The following EHMT1 variants were observed in gnomAD, a reference collection of about 807,000 sequenced individuals.
The protein encoded by EHMT1 is euchromatic histone lysine methyltransferase 1.
Under a neutral mutation model 147.2 loss-of-function variants are expected in EHMT1, and 15 were observed. That is an observed-to-expected ratio of 0.10 (90% CI 0.07 to 0.16). The LOEUF is 0.16. EHMT1 is among the 10% of genes least tolerant of loss of function. The pLI, the probability that EHMT1 is intolerant of heterozygous loss-of-function variation, is 1.00. For synonymous variants in EHMT1, 795 were observed against 709.6 expected (o/e 1.12, Z -1.91); for missense variants, 1,587 against 1,772.4 (o/e 0.90, Z 1.88).
chr9:137,685,401 A>G (rs752272803), intron 1 of EHMT1: 2 of 152,216 alleles, frequency 1.3e-5, no homozygotes, highest in Admixed American at 6.5e-5. Flanking sequence ...TAAGGTTTTC[A>G]AGATTCACCC....
intron 4 of EHMT1, chr9:137,738,903 G>A (rs892642588): frequency 6.6e-6 from 1 of 152,376 alleles, no homozygotes; most frequent in African/African-American, 2.4e-5. Flanking sequence ...GGAAGGGAAT[G>A]GAGAGTTAGG....
At chr9:137,697,184 G>C (rs1301430084) in intron 1 of EHMT1, 5 of 336,218 alleles carry the variant, frequency 1.5e-5, no homozygotes, top group Non-Finnish European at 3.1e-5. Flanking sequence ...GGGAGGCTGA[G>C]GCAGGAGAAT....
intron 1 of EHMT1, among the ~76,000 whole-genome samples, chr9:137,659,444 T>A (rs943952086): frequency 1.3e-5 from 2 of 152,072 alleles, no homozygotes; most frequent in Admixed American, 6.6e-5. Context: ...AGGGTCTTGC[T>A]ATGTTCCCCA....
intron 9 of EHMT1, among the ~76,000 whole-genome samples, chr9:137,760,843 A>G (rs1043030725): frequency 6.6e-6 from 1 of 152,184 alleles, no homozygotes; most frequent in Non-Finnish European, 1.5e-5. Flanking sequence ...CCCCGTCTCT[A>G]CTGAAATACA....
At position 137,775,817 on chromosome 9, in the gene EHMT1, G is replaced by C. The variant is rs1382045452; in HGVS notation, c.1791+565G>C. ...AAACATCTGTGCTCAGCCGTGCCCA[G>C]GGCCCCCCGAGAATGGGCTGCTTCC... On this transcript the variant is annotated intron_variant, in intron 11 of 26. Coordinates refer to ENST00000460843, the MANE Select transcript of EHMT1 (RefSeq NM_024757.5). This position sits in a 1 kb window ranked among gnomAD's most constrained non-coding sequence, Gnocchi z 6.1. 6.6e-6 allele frequency among the ~76,000 whole-genome samples: 1 copy of C among 151,896 alleles called. No individual in the cohort carries two copies. The highest frequency in any genetic ancestry group is 6.6e-5 in the Admixed American group (1 of 15,262).
chr9:137,739,196 C>T (rs554768982), intron 4 of EHMT1, among the ~76,000 whole-genome samples: 2 of 151,594 alleles, frequency 1.3e-5, no homozygotes, highest in Admixed American at 6.6e-5. Flanking sequence ...ACGGTGAAAC[C>T]TCGTCTCTAC....
Position 137,650,081 on chromosome 9 carries a change from G to A in EHMT1, c.21+31032G>A, listed in dbSNP as rs146485686. 1.9e-3 allele frequency among the ~76,000 whole-genome samples: 285 copies of A among 152,002 alleles called. 2 individuals carry two copies. Among genetic ancestry groups the A allele is most frequent in the African/African-American group, 6.5e-3 (271 of 41,452 alleles). Reference sequence around the variant, plus strand: ...TGAGGGTTCCAGTTTTTATATCGTCGCCAACACTTGTTATTTTATTTATTT... The same window carrying A: ...TGAGGGTTCCAGTTTTTATATCGTCACCAACACTTGTTATTTTATTTATTT... On this transcript the variant is annotated intron_variant, in intron 1 of 26. Transcript: ENST00000460843.
chr9:137,814,782 G>T (rs766200493), intron 22 of EHMT1: 9 of 586,890 alleles, frequency 1.5e-5, no homozygotes, highest in Non-Finnish European at 2.8e-5. Context: ...CGTCAGCCTG[G>T]CTTGGCCCCA....
chr9:137,678,310 G>A (rs536797702), intron 1 of EHMT1, among the ~76,000 whole-genome samples: 3 of 152,236 alleles, frequency 2.0e-5, no homozygotes, highest in South Asian at 4.1e-4. Context: ...GCACCTCCAT[G>A]GCTTTTCCTG....
intron 1 of EHMT1, among the ~76,000 whole-genome samples, chr9:137,655,016 G>A (rs1378793548): frequency 6.7e-6 from 1 of 149,720 alleles, no homozygotes; most frequent in African/African-American, 2.5e-5. Context: ...TTTTTTTTTC[G>A]AGATGGAGTC....
intron 18 of EHMT1, among the ~76,000 whole-genome samples, chr9:137,807,133 T>C (rs1431307777): frequency 6.6e-6 from 1 of 152,226 alleles, no homozygotes; most frequent in African/African-American, 2.4e-5. Flanking sequence ...AGTCATTATT[T>C]CTTCAAATAA....
Position 137,731,110 on chromosome 9 carries a change from C to T in EHMT1, c.823+2581C>T, listed in dbSNP as rs941717730. 6.6e-6 allele frequency among the ~76,000 whole-genome samples: 1 copy of T among 152,188 alleles called. No homozygotes were observed. The highest frequency in any genetic ancestry group is 1.9e-4 in the East Asian group (1 of 5,200). On this transcript the variant is annotated intron_variant, in intron 4 of 26. Transcript: ENST00000460843. This position sits in a 1 kb window ranked among gnomAD's most constrained non-coding sequence, Gnocchi z 4.3. ...AGCTTTCTAAAAACAAACTACCCAG[C>T]GTGTTTAGCAGGCTCCAGTTTACCC...
chr9:137,750,985 T>C (rs1948920387), intron 6 of EHMT1, among the ~76,000 whole-genome samples: 2 of 152,214 alleles, frequency 1.3e-5, no homozygotes, highest in African/African-American at 4.8e-5. Context: ...AAATGTGAGC[T>C]CCATTCTAGA....
intron 1 of EHMT1, among the ~76,000 whole-genome samples, chr9:137,707,054 ACCT>A (rs1222909177): frequency 7.2e-5 from 11 of 152,318 alleles, no homozygotes; most frequent in African/African-American, 2.4e-4. Context: ...CCAACTCCTG[ACCT>A]CAGGTGATCC....
intron 1 of EHMT1, among the ~76,000 whole-genome samples, chr9:137,697,424 A>G (rs1367532687): frequency 6.6e-6 from 1 of 152,194 alleles, no homozygotes. Flanking sequence ...TGCTCTGCCC[A>G]CTGGGATCGG....
chr9:137,774,732 G>A (rs1270547657), intron 10 of EHMT1, among the ~76,000 whole-genome samples: 4 of 120,052 alleles, frequency 3.3e-5, no homozygotes, highest in Admixed American at 8.6e-5. Context: ...GTATGGTCGC[G>A]CCTGGCCCCC....
intron 1 of EHMT1, chr9:137,675,058 G>C (rs1349447631): frequency 1.3e-5 from 2 of 152,302 alleles, no homozygotes; most frequent in African/African-American, 4.8e-5. Flanking sequence ...TTCATTCTTA[G>C]CTTGTGGGAA....
At chr9:137,703,781 A>G (rs1944030613) in intron 1 of EHMT1, among the ~76,000 whole-genome samples, 1 of 152,106 alleles carries the variant, frequency 6.6e-6, no homozygotes, top group African/African-American at 2.4e-5. Context: ...ACTTCGGCCC[A>G]TTACCCATTT....
chr9:137,688,277 G>A (rs1942631852), intron 1 of EHMT1, among the ~76,000 whole-genome samples: 1 of 152,218 alleles, frequency 6.6e-6, no homozygotes, highest in Admixed American at 6.5e-5. Flanking sequence ...GCCTGCCTCG[G>A]CCTTCCAAAG....
Sources: gnomAD v4.1 joint callset for allele counts (sites outside exome capture counted in the v4.1 genomes callset) on GRCh38, gnomAD v4.1.1 for gene constraint, Gnocchi (gnomAD v3.1) non-coding constraint, MANE v1.5 for transcripts, NCBI Gene and HGNC (gene_info 2026-07-23, HGNC 2026-07-21) for gene names.